AFAP1L1: variants seen among roughly 807,000 people sequenced by gnomAD.
AFAP1L1 encodes the protein actin filament associated protein 1 like 1.
Under a neutral mutation model 99.8 loss-of-function variants are expected in AFAP1L1, and 77 were observed. The ratio of observed to expected loss-of-function variants is 0.77; its 90% CI spans 0.64 to 0.93. AFAP1L1 has a LOEUF of 0.93. AFAP1L1 is among the 40% of genes least tolerant of loss of function. The probability of loss-of-function intolerance (pLI) is 0.00; values close to 1 mark genes in which losing one functional copy is unlikely to be tolerated. For synonymous variants in AFAP1L1, 373 were observed against 395.3 expected (o/e 0.94, Z 0.67); for missense variants, 893 against 996.8 (o/e 0.90, Z 1.40).
chr5:149,322,739 C>G (rs1387368007), intron 15 of AFAP1L1, 22 bp downstream of exon 15: 2 of 1,551,942 alleles, frequency 1.3e-6, no homozygotes, highest in Admixed American at 3.8e-5. Flanking sequence ...GTGGGCCTCC[C>G]CTGCTGACTA....
intron 1 of AFAP1L1, among the ~76,000 whole-genome samples, chr5:149,288,038 G>A (rs180752159): frequency 3.9e-4 from 59 of 152,286 alleles, no homozygotes; most frequent in African/African-American, 1.4e-3. Context: ...TGTCAGCCCG[G>A]GGAGGTTGAT....
At chr5:149,306,974 T>C (rs1756434893) in intron 6 of AFAP1L1, among the ~76,000 whole-genome samples, 1 of 151,290 alleles carries the variant, frequency 6.6e-6, no homozygotes, top group South Asian at 2.1e-4. Context: ...CAGCCAGGTG[T>C]GGTGGCTCAC....
At position 149,302,456 on chromosome 5, in the gene AFAP1L1, C is replaced by A; in HGVS notation, c.366C>A (p.Pro122=). ...DLPPPLPNKP[P]PEDYYEEALP... is the part of the protein sequence containing the mutation. ...CTCCACCGCTCCCCAACAAGCCTCC[C>A]CCTGAGGACTACTATGAAGAGGCCC... The change falls in exon 5 of 19, where the codon CCC becomes CCA. Residue 122 remains proline, a synonymous_variant. Coordinates refer to ENST00000296721, the MANE Select transcript of AFAP1L1 (RefSeq NM_152406.4). 1 of 1,596,700 alleles carries A rather than the reference C, an allele frequency of 6.3e-7. No individual in the cohort carries two copies. The highest frequency in any genetic ancestry group is 8.5e-7 in the Non-Finnish European group (1 of 1,171,864).
chr5:149,311,980 T>C (rs1256094278), intron 8 of AFAP1L1, 132 bp from the exon 9 acceptor site: 2 of 753,948 alleles, frequency 2.7e-6, no homozygotes, highest in Non-Finnish European at 4.5e-6. Flanking sequence ...TGCAGGTAGC[T>C]GTGTCAGTCC....
intron 1 of AFAP1L1, among the ~76,000 whole-genome samples, chr5:149,297,851 T>C (rs181305065): frequency 1.4e-4 from 22 of 152,270 alleles, no homozygotes; most frequent in Admixed American, 2.6e-4. Context: ...CACTCAGGGA[T>C]CAGCACAGAT....
chr5:149,339,178 C>CTTTTTTTT (rs35468603), intron 18 of AFAP1L1, among the ~76,000 whole-genome samples: 2 of 126,146 alleles, frequency 1.6e-5, no homozygotes, highest in Non-Finnish European at 3.3e-5. Context: ...CCCAATAAAG[C>CTTTTTTTT]TTTTTTTTTT....
intron 1 of AFAP1L1, among the ~76,000 whole-genome samples, chr5:149,287,280 A>G (rs751896789): frequency 6.6e-6 from 1 of 152,176 alleles, no homozygotes; most frequent in Non-Finnish European, 1.5e-5. Flanking sequence ...TCAGGAGTAC[A>G]TCTGGTTGTA....
chr5:149,304,913 A>G (rs564922990), intron 5 of AFAP1L1, among the ~76,000 whole-genome samples: 9 of 152,058 alleles, frequency 5.9e-5, no homozygotes, highest in Non-Finnish European at 1.3e-4. Flanking sequence ...CATTCTGAAG[A>G]GCAGTGTGCT....
At chr5:149,315,565 A>G in intron 9 of AFAP1L1, 1 of 444,872 alleles carries the variant, frequency 2.2e-6, no homozygotes, top group Middle Eastern at 6.7e-4. Flanking sequence ...TTCCTAAGAC[A>G]TTCATTTCAA....
chr5:149,278,589 G>C (rs1755416062), intron 1 of AFAP1L1, among the ~76,000 whole-genome samples: 1 of 152,124 alleles, frequency 6.6e-6, no homozygotes, highest in African/African-American at 2.4e-5. Context: ...CAATGTTATA[G>C]GTGCTCATAG....
At chr5:149,305,878 C>CCACACACACACACACACACACACA (rs56036411) in intron 5 of AFAP1L1, among the ~76,000 whole-genome samples, 5 of 142,572 alleles carry the variant, frequency 3.5e-5, no homozygotes, top group South Asian at 4.7e-4. Flanking sequence ...GACCAACACA[C>CCACACACACACACACACACACACA]CACACACACA....
In AFAP1L1 at chr5:149,342,398, T is replaced by C. The variant is rs1163021522; in HGVS notation, c.*2368T>C. On this transcript the variant is annotated 3_prime_UTR_variant, in exon 19 of 19. Transcript: ENST00000296721. ...TGCTGGTGGAGCCAGCATGTGAATA[T>C]AAGAAGTCTGACCCTAGAGCCTTAT... Among the ~76,000 whole-genome samples, 2 of 152,194 alleles carry C rather than the reference T, an allele frequency of 1.3e-5. No homozygotes were observed. Among genetic ancestry groups the C allele is most frequent in the African/African-American group, 2.4e-5 (1 of 41,450 alleles).
At chr5:149,336,102 C>T (rs1581347949) in intron 18 of AFAP1L1, among the ~76,000 whole-genome samples, 1 of 152,160 alleles carries the variant, frequency 6.6e-6, no homozygotes, top group East Asian at 1.9e-4. Context: ...AAGTCCATGG[C>T]TCCCTCCAGG....
chr5:149,315,377 G>A (rs954568517), intron 9 of AFAP1L1, among the ~76,000 whole-genome samples: 1 of 152,014 alleles, frequency 6.6e-6, no homozygotes, highest in Non-Finnish European at 1.5e-5. Context: ...TGCTCTTGTC[G>A]AGTCTCATCA....
intron 1 of AFAP1L1, among the ~76,000 whole-genome samples, chr5:149,285,945 T>C (rs1755666739): frequency 6.6e-6 from 1 of 152,212 alleles, no homozygotes; most frequent in Non-Finnish European, 1.5e-5. Flanking sequence ...TACCCATTAC[T>C]GTGCTGAACA....
chr5:149,295,095 G>T (rs1755976062), intron 1 of AFAP1L1, among the ~76,000 whole-genome samples: 2 of 152,196 alleles, frequency 1.3e-5, no homozygotes, highest in Admixed American at 1.3e-4. Flanking sequence ...TTGCCCCATG[G>T]TTCCCCTCCC....
rs774254038 is a variant in AFAP1L1 at position 149,299,469 on chromosome 5, C to T, written c.17-40C>T. 38 of 1,610,814 alleles carry T rather than the reference C, an allele frequency of 2.4e-5. No individual in the cohort carries two copies. In the Middle Eastern group the frequency reaches 1.9e-3, roughly 78 times the overall value. The stretch of plus-strand genomic sequence containing the variant: ...CGAACTCCCGGGCACAGAGCTGTGA[C>T]TGTGCAGCTGTGACTGTGCCCGTCT... On this transcript the variant is annotated intron_variant, in intron 1 of 18. Coordinates refer to ENST00000296721, the MANE Select transcript of AFAP1L1 (RefSeq NM_152406.4).
At chr5:149,334,565 A>C (rs764979489) in intron 17 of AFAP1L1, among the ~76,000 whole-genome samples, 3 of 152,220 alleles carry the variant, frequency 2.0e-5, no homozygotes, top group Non-Finnish European at 2.9e-5. Flanking sequence ...GGAAAAATGT[A>C]AGGGGTAAAG....
In AFAP1L1 at chr5:149,310,041, G is replaced by A. The variant is rs776907700; in HGVS notation, c.833G>A (p.Arg278Gln). The change falls in exon 8 of 19, where the codon CGG (arginine) becomes CAG (glutamine). Residue 278 changes from arginine to glutamine, a missense_variant. Transcript: ENST00000296721. Reference protein sequence around the residue: ...CSIIYVPKDSRHKRHELRFTQ... With the variant: ...CSIIYVPKDSQHKRHELRFTQ... ...ATCATCTACGTGCCCAAGGACAGCC[G>A]GCACAAGAGGCACGAGCTGCGTTTC... The A allele has an allele frequency of 1.5e-5, 24 of 1,614,102 alleles. No homozygotes were observed. Among genetic ancestry groups the A allele is most frequent in the Admixed American group, 3.3e-5 (2 of 60,014 alleles).
Sources: gnomAD v4.1 joint callset for allele counts (sites outside exome capture counted in the v4.1 genomes callset) on GRCh38, gnomAD v4.1.1 for gene constraint, MANE v1.5 for transcripts, NCBI Gene and HGNC (gene_info 2026-07-23, HGNC 2026-07-21) for gene names.